Variants in SRSF5 observed in about 807,000 individuals in gnomAD.
The protein encoded by SRSF5 is serine and arginine rich splicing factor 5.
SRSF5 carries 5 observed loss-of-function variants against 34.0 expected under a neutral mutation model. The ratio of observed to expected loss-of-function variants is 0.15; its 90% confidence interval spans 0.08 to 0.31. The LOEUF (loss-of-function observed/expected upper bound fraction) is 0.31, where lower values mean the gene tolerates loss of function less well. SRSF5 is among the 10% of genes least tolerant of loss of function. The pLI, the probability that SRSF5 is intolerant of heterozygous loss-of-function variation, is 1.00. For synonymous variants in SRSF5, 164 were observed against 117.7 expected, an observed-to-expected ratio of 1.39 and a Z score of -2.55; for missense variants, 223 against 351.4, an observed-to-expected ratio of 0.63 and a Z score of 2.92.
At chr14:69,769,381 A>T in intron 5 of SRSF5, 130 bp downstream of exon 5, 2 of 1,500,440 alleles carry the variant, frequency 1.3e-6, no homozygotes, top group Non-Finnish European at 1.8e-6. Flanking sequence ...AATTTTAAAC[A>T]TTTAATTAAA....
Position 69,771,385 on chromosome 14 carries a change from C to T in SRSF5, c.743C>T (p.Ser248Phe), listed in dbSNP as rs765005080. Residue 248 changes from serine to phenylalanine, a missense_variant, in exon 8 of 8, where the codon TCT becomes TTT. Transcript: ENST00000557154. Reference sequence around the variant, plus strand: ...CAGAAACGTGGTTCTTCAAGTAGATCTAAGTCTCCAGCATCTGTGGATCGC... The same window carrying T: ...CAGAAACGTGGTTCTTCAAGTAGATTTAAGTCTCCAGCATCTGTGGATCGC... ...KSQKRGSSSR[S>F]KSPASVDRQR... The T allele has an allele frequency of 1.2e-6, 2 of 1,614,100 alleles. No homozygotes were observed. Among genetic ancestry groups the T allele is most frequent in the African/African-American group, 2.7e-5 (2 of 74,928 alleles).
intron 5 of SRSF5, chr14:69,770,232 A>G: frequency 7.6e-7 from 1 of 1,309,352 alleles, no homozygotes; most frequent in Non-Finnish European, 9.7e-7. Flanking sequence ...ATACTACCTT[A>G]ATGTTAAAAT....
At position 69,768,149 on chromosome 14, in the gene SRSF5, C is replaced by T. The variant is rs374951370; in HGVS notation, c.-8C>T. On this transcript the variant is annotated 5_prime_UTR_variant, in exon 2 of 8. Coordinates refer to ENST00000557154, the MANE Select transcript of SRSF5 (RefSeq NM_001320214.2). ...TTACTTTCTAATAGGAAGTACTAGC[C>T]GGACATCATGAGTGGCTGTCGGGTA... The T allele has an allele frequency of 6.8e-5, 110 of 1,613,958 alleles. No individual in the cohort carries two copies. The highest frequency in any genetic ancestry group is 8.6e-5 in the Non-Finnish European group (101 of 1,180,014).
rs1958085 is a variant in SRSF5 at position 69,768,561 on chromosome 14, C to G, written c.127-43C>G. The G allele has an allele frequency of 9.7e-3, 15,317 of 1,576,324 alleles. 1,248 individuals carry two copies. In the African/African-American group the frequency reaches 0.18, roughly 18 times the overall value. Reference sequence around the variant, plus strand: ...AGTGCTCTTAATGTGTTGTAGAATACTCTTCTAAAGCCAATGTTAAGAGTC... The same window carrying G: ...AGTGCTCTTAATGTGTTGTAGAATAGTCTTCTAAAGCCAATGTTAAGAGTC... On this transcript the variant is annotated intron_variant, in intron 2 of 7. Transcript: ENST00000557154.
rs113877514 is a variant in SRSF5 at position 69,769,833 on chromosome 14, G to A, written c.366+582G>A. ...GGTGGTCGTTGGAATCCTGATCGCA[G>A]TAAAGTGGTCCTTGGTAACTGCTCG... On this transcript the variant is annotated intron_variant, in intron 5 of 7. Transcript: ENST00000557154. The A allele has an allele frequency of 7.6e-5, 99 of 1,297,398 alleles. 2 individuals are homozygous for A. The African/African-American group carries it at 1.4e-3, about 18-fold the overall frequency. The allele number at this position is 1,297,398 out of a possible 1,614,324, so 80.4% of individuals were successfully genotyped here.
chr14:69,769,485 C>G, intron 5 of SRSF5: 2 of 1,534,568 alleles, frequency 1.3e-6, no homozygotes, highest in Non-Finnish European at 8.7e-7. Context: ...AATTTTTAAC[C>G]AAATATTAAA....
At chr14:69,767,711 G>C (rs554265072) in intron 1 of SRSF5, 1 of 361,554 alleles carries the variant, frequency 2.8e-6, no homozygotes, top group Non-Finnish European at 5.5e-6. Context: ...GCCCGCTGCT[G>C]TTGGCGCAGG....
chr14:69,767,690 G>A (rs1192739510), intron 1 of SRSF5: 5 of 365,354 alleles, frequency 1.4e-5, no homozygotes, highest in Admixed American at 3.6e-5. Context: ...TTTTGTGGCC[G>A]CAGAGCGCCC....
Position 69,770,460 on chromosome 14 carries a change from T to C in SRSF5, c.367-7T>C, listed in dbSNP as rs1883070623. On this transcript the variant is annotated splice_region_variant and splice_polypyrimidine_tract_variant and intron_variant, in intron 5 of 7. Transcript: ENST00000557154. ...TTCTTTGCTTAACACAATTATCTTG[T>C]GTTAAGGATCTCAAAGATTTCATGA... 1.2e-6 allele frequency: 2 copies of C among 1,613,646 alleles called. No homozygotes were observed. Among genetic ancestry groups the C allele is most frequent in the Non-Finnish European group, 8.5e-7 (1 of 1,179,900 alleles).
intron 5 of SRSF5, chr14:69,769,774 G>T: frequency 7.4e-7 from 1 of 1,358,218 alleles, no homozygotes; most frequent in Non-Finnish European, 9.4e-7. Context: ...CGAATAAGAG[G>T]TCCGGTCGAA....
In SRSF5 at chr14:69,769,198, A is replaced by G; in HGVS notation, c.313A>G (p.Arg105Gly). 1 of 1,614,216 alleles carries G rather than the reference A, an allele frequency of 6.2e-7. No individual in the cohort carries two copies. Among genetic ancestry groups the G allele is most frequent in the Non-Finnish European group, 8.5e-7 (1 of 1,180,036 alleles). The change falls in exon 5 of 8, where the codon AGA (arginine) becomes GGA (glycine). Residue 105 changes from arginine (R) to glycine (G), a missense_variant. Coordinates refer to ENST00000557154, the MANE Select transcript of SRSF5 (RefSeq NM_001320214.2). ...RNDRRNAPPV[R>G]TENRLIVENL... The stretch of plus-strand genomic sequence containing the variant: ...CTTCCTCAGAAATGCTCCACCTGTA[A>G]GAACAGAAAATCGTCTTATAGTTGA...
intron 4 of SRSF5, 140 bp from the exon 5 acceptor site, chr14:69,769,040 CTA>C: frequency 3.9e-6 from 5 of 1,276,796 alleles, no homozygotes; most frequent in South Asian, 1.2e-5. Flanking sequence ...CTTGATGAAT[CTA>C]TATGAGTCAT....
intron 1 of SRSF5, chr14:69,767,686 GGCCGCAGAGCGCCCGCCCGCTGCTGTT>G (rs1566624315): frequency 1.4e-5 from 5 of 365,954 alleles, no homozygotes; most frequent in South Asian, 3.9e-5. Context: ...GCCATTTTGT[GGCCGCAGAGCGCCCGCCCGCTGCTGTT>G]GGCGCAGGCG....
At chr14:69,769,379 A>G in intron 5 of SRSF5, 128 bp downstream of exon 5, 1 of 1,499,516 alleles carries the variant, frequency 6.7e-7, no homozygotes, top group Non-Finnish European at 8.9e-7. Context: ...GTAATTTTAA[A>G]CATTTAATTA....
At chr14:69,767,334 T>G (rs1012738498) in intron 1 of SRSF5, 79 bp downstream of exon 1, 1 of 455,622 alleles carries the variant, frequency 2.2e-6, no homozygotes, top group Non-Finnish European at 4.4e-6. Context: ...CGGCCGGGGC[T>G]GCTCTCTTTG....
intron 1 of SRSF5, chr14:69,767,475 T>G (rs758120213): frequency 2.2e-6 from 1 of 455,932 alleles, no homozygotes; most frequent in Non-Finnish European, 4.4e-6. Context: ...ACACAGCGGT[T>G]GTGCGCCCGT....
rs1262989763 is a variant in SRSF5 at position 69,769,416 on chromosome 14, TTTAATA to T, written c.366+169_366+174del. On this transcript the variant is annotated intron_variant, in intron 5 of 7. Coordinates refer to ENST00000557154, the MANE Select transcript of SRSF5 (RefSeq NM_001320214.2). ...ATGTAATTTGGGGGATATTTTGAACTTTAATATTAGTGATCAAATGTAAATGTTTTG... is the reference window on the plus strand; with the variant it reads ...ATGTAATTTGGGGGATATTTTGAACTTTAGTGATCAAATGTAAATGTTTTG... 3.3e-6 allele frequency: 5 copies of T among 1,515,948 alleles called. No homozygotes were observed. The African/African-American group carries it at 4.2e-5, about 13-fold the overall frequency. The allele number at this position is 1,515,948 out of a possible 1,614,324, so 93.9% of individuals were successfully genotyped here. A position where few individuals can be genotyped will look rare whatever the true frequency, so the allele number is the denominator to read the frequency against.
intron 5 of SRSF5, chr14:69,769,699 C>T (rs769187567): frequency 5.5e-6 from 8 of 1,461,868 alleles, no homozygotes; most frequent in African/African-American, 1.4e-5. Flanking sequence ...CAGGTTGCAG[C>T]GATCCCAGAG....
At chr14:69,768,991 G>C in intron 4 of SRSF5, 95 bp downstream of exon 4, 2 of 1,370,578 alleles carry the variant, frequency 1.5e-6, no homozygotes, top group South Asian at 1.2e-5. Flanking sequence ...GGGTCCTGCC[G>C]TATAATCTGT....
Sources: gnomAD v4.1 joint callset for allele counts on GRCh38, gnomAD v4.1.1 for gene constraint, MANE v1.5 for transcripts, NCBI Gene and HGNC (gene_info 2026-07-23, HGNC 2026-07-21) for gene names.